The following CAMK2D variants were observed in gnomAD, a reference collection of about 807,000 sequenced individuals.
The protein encoded by CAMK2D is calcium/calmodulin-dependent protein kinase type II subunit delta.
CAMK2D carries 37 observed loss-of-function variants against 84.0 expected under a neutral mutation model. That is an observed-to-expected ratio of 0.44 (90% confidence interval 0.34 to 0.58). CAMK2D has a LOEUF of 0.58. CAMK2D is among the 20% of genes least tolerant of loss of function. The pLI is 0.02. For missense variants in CAMK2D, 448 were observed against 652.5 expected, an observed-to-expected ratio of 0.69 and a Z score of 3.41; for synonymous variants, 202 against 212.5, an observed-to-expected ratio of 0.95 and a Z score of 0.43.
chr4:113,560,695 C>T (rs1302964780), intron 4 of CAMK2D, among the ~76,000 whole-genome samples: 1 of 152,164 alleles, frequency 6.6e-6, no homozygotes, highest in Non-Finnish European at 1.5e-5. Flanking sequence ...AACATCCACA[C>T]TGGAACATTA....
intron 12 of CAMK2D, among the ~76,000 whole-genome samples, chr4:113,510,158 AACATCTTCATT>A (rs1397843666): frequency 2.0e-5 from 3 of 152,244 alleles, no homozygotes; most frequent in Non-Finnish European, 4.4e-5. Context: ...CTGGCTAAAT[AACATCTTCATT>A]ACATTCTTGA....
At chr4:113,601,516 A>G (rs2098952140) in intron 4 of CAMK2D, among the ~76,000 whole-genome samples, 1 of 151,852 alleles carries the variant, frequency 6.6e-6, no homozygotes, top group Non-Finnish European at 1.5e-5. Context: ...TTCTAGATTC[A>G]TTGGTTTTCA....
chr4:113,642,518 G>A (rs2099136290), intron 3 of CAMK2D, among the ~76,000 whole-genome samples: 2 of 152,150 alleles, frequency 1.3e-5, no homozygotes, highest in Non-Finnish European at 2.9e-5. Context: ...ATCAGAAGTG[G>A]ACAGATGGAC....
chr4:113,607,332 A>T lies in CAMK2D; in HGVS notation c.275+1820T>A, dbSNP rs549592209. On this transcript the variant is annotated intron_variant, in intron 4 of 20. Transcript: ENST00000511664. ...TGTGGAGAGGAGCCTGTGCAGTAGGATTGTGCAGAAGTAGCGCTTTAGTCT... is the reference window on the plus strand; with the variant it reads ...TGTGGAGAGGAGCCTGTGCAGTAGGTTTGTGCAGAAGTAGCGCTTTAGTCT... Among the ~76,000 whole-genome samples the T allele has an allele frequency of 7.9e-4, 121 of 152,282 alleles. 1 individual carries two copies. Among genetic ancestry groups the T allele is most frequent in the Non-Finnish European group, 1.4e-3 (96 of 68,024 alleles).
At chr4:113,658,727 A>G (rs2099213787) in intron 3 of CAMK2D, among the ~76,000 whole-genome samples, 1 of 152,190 alleles carries the variant, frequency 6.6e-6, no homozygotes, top group African/African-American at 2.4e-5. Flanking sequence ...TAAATGATAC[A>G]GGTGAATTTG....
Position 113,761,381 on chromosome 4 carries a change from G to A in CAMK2D, c.-313C>T, listed in dbSNP as rs1047407595. 1.5e-6 allele frequency: 2 copies of A among 1,306,764 alleles called. No individual in the cohort carries two copies. Among genetic ancestry groups the A allele is most frequent in the Admixed American group, 3.3e-5 (1 of 30,352 alleles). 80.9% of individuals were successfully genotyped at this position (1,306,764 alleles called of 1,614,324 possible). A position where few individuals can be genotyped will look rare whatever the true frequency, so the allele number is the denominator to read the frequency against. On this transcript the variant is annotated 5_prime_UTR_variant, in exon 1 of 21. Coordinates refer to ENST00000511664, the MANE Select transcript of CAMK2D (RefSeq NM_001321571.2). Reference sequence around the variant, plus strand: ...CCTGTCCCCAAATGCAGGGGGTAAAGTACTCAAGAAGAGGGGGCCGGGAAA... The same window carrying A: ...CCTGTCCCCAAATGCAGGGGGTAAAATACTCAAGAAGAGGGGGCCGGGAAA...
intron 18 of CAMK2D, among the ~76,000 whole-genome samples, chr4:113,459,564 A>AT (rs1223670901): frequency 1.3e-4 from 20 of 150,804 alleles, no homozygotes; most frequent in Admixed American, 4.6e-4. Flanking sequence ...GTGAAATAAC[A>AT]TTTTTTGTAA....
At chr4:113,528,694 C>G (rs537957995) in intron 8 of CAMK2D, among the ~76,000 whole-genome samples, 1 of 151,894 alleles carries the variant, frequency 6.6e-6, no homozygotes, top group Non-Finnish European at 1.5e-5. Flanking sequence ...ATAGCTTTAT[C>G]ATGTTTTAAA....
At chr4:113,681,564 T>C (rs1015042769) in intron 2 of CAMK2D, among the ~76,000 whole-genome samples, 3 of 152,182 alleles carry the variant, frequency 2.0e-5, no homozygotes, top group African/African-American at 4.8e-5. Context: ...TAATATACTG[T>C]ATATTCTTCA....
At chr4:113,460,385 T>C in intron 17 of CAMK2D, 144 bp from the exon 18 acceptor site, 1 of 654,386 alleles carries the variant, frequency 1.5e-6, no homozygotes, top group Non-Finnish European at 2.7e-6. Flanking sequence ...ATCATAAACC[T>C]TGGCAAGGTG....
rs1554070590 is a variant in CAMK2D at position 113,709,745 on chromosome 4, C to CTATATATATATATA, written c.161-47974_161-47973insTATATATATATATA. 7.7e-4 allele frequency among the ~76,000 whole-genome samples: 19 copies of CTATATATATATATA among 24,634 alleles called. 1 individual carries two copies. Among genetic ancestry groups the CTATATATATATATA allele is most frequent in the African/African-American group, 4.5e-3 (18 of 4,038 alleles). 16.2% of individuals were successfully genotyped at this position (24,634 alleles called of 152,430 possible). ...AGAGTGAAAAGCTAAAAGCCGTGAA[C>CTATATATATATATA]GATATATATATATATATATATATAT... is the stretch of plus-strand genomic sequence containing the variant. On this transcript the variant is annotated intron_variant, in intron 2 of 20. Coordinates refer to ENST00000511664, the MANE Select transcript of CAMK2D (RefSeq NM_001321571.2).
intron 2 of CAMK2D, 24 bp downstream of exon 2, chr4:113,759,296 A>G: frequency 1.4e-6 from 2 of 1,428,736 alleles, no homozygotes; most frequent in South Asian, 1.2e-5. Flanking sequence ...AAATTAACCA[A>G]TATATGTGGT....
chr4:113,625,274 T>G (rs2099062747), intron 3 of CAMK2D, among the ~76,000 whole-genome samples: 1 of 152,148 alleles, frequency 6.6e-6, no homozygotes, highest in Non-Finnish European at 1.5e-5. Context: ...GAATAAAGCA[T>G]GAAACAAAAT....
chr4:113,760,952 A>T, intron 1 of CAMK2D, 52 bp downstream of exon 1: 1 of 1,612,262 alleles, frequency 6.2e-7, no homozygotes, highest in Non-Finnish European at 8.5e-7. Context: ...GGGCAACGCG[A>T]CCCGCCCTCA....
At chr4:113,597,671 T>G (rs548842750) in intron 4 of CAMK2D, among the ~76,000 whole-genome samples, 3 of 152,344 alleles carry the variant, frequency 2.0e-5, no homozygotes, top group East Asian at 3.9e-4. Context: ...ACTTGCAATT[T>G]CCTTCAAGAA....
chr4:113,685,488 A>G (rs2099357206), intron 2 of CAMK2D, among the ~76,000 whole-genome samples: 1 of 151,500 alleles, frequency 6.6e-6, no homozygotes, highest in African/African-American at 2.4e-5. Context: ...GATCCTCCCA[A>G]CTCAGCCTCC....
chr4:113,604,798 GA>G (rs2098970455), intron 4 of CAMK2D, among the ~76,000 whole-genome samples: 1 of 152,048 alleles, frequency 6.6e-6, no homozygotes, highest in African/African-American at 2.4e-5. Context: ...AATGATACAA[GA>G]AAAAATAAAC....
At chr4:113,692,654 ACATACATATATT>A (rs2099390945) in intron 2 of CAMK2D, among the ~76,000 whole-genome samples, 1 of 152,012 alleles carries the variant, frequency 6.6e-6, no homozygotes, top group Non-Finnish European at 1.5e-5. Context: ...ATTCATATAT[ACATACATATATT>A]CATACATACA....
chr4:113,533,410 A>G (rs1590842194), intron 7 of CAMK2D, among the ~76,000 whole-genome samples: 1 of 152,278 alleles, frequency 6.6e-6, no homozygotes, highest in East Asian at 1.9e-4. Context: ...ATCTAGGATT[A>G]TCATACTACA....
Sources: gnomAD v4.1 joint callset for allele counts (sites outside exome capture counted in the v4.1 genomes callset) on GRCh38, gnomAD v4.1.1 for gene constraint, MANE v1.5 for transcripts, NCBI Gene and HGNC (gene_info 2026-07-23, HGNC 2026-07-21) for gene names.